The following ATG10 variants were observed in gnomAD, a reference collection of about 807,000 sequenced individuals.
The protein encoded by ATG10 is autophagy related 10.
ATG10 carries 30 observed loss-of-function variants against 32.1 expected under a neutral mutation model. The ratio of observed to expected loss-of-function variants is 0.94; its 90% confidence interval spans 0.70 to 1.27. The LOEUF is 1.27. ATG10 is among the 50% of genes most tolerant of loss of function. The pLI, the probability that ATG10 is intolerant of heterozygous loss-of-function variation, is 0.00. For synonymous variants in ATG10, 87 were observed against 91.5 expected, an observed-to-expected ratio of 0.95 and a Z score of 0.28; for missense variants, 233 against 262.3, an observed-to-expected ratio of 0.89 and a Z score of 0.77.
intron 3 of ATG10, among the ~76,000 whole-genome samples, chr5:82,127,098 G>A (rs1766308896): frequency 1.3e-5 from 2 of 152,198 alleles, no homozygotes; most frequent in South Asian, 2.1e-4. Flanking sequence ...TCTGATGGTA[G>A]TTTGTATTTC....
At chr5:82,060,671 C>T (rs1422408232) in intron 3 of ATG10, among the ~76,000 whole-genome samples, 1 of 152,096 alleles carries the variant, frequency 6.6e-6, no homozygotes, top group Non-Finnish European at 1.5e-5. Context: ...CAAGACCAGC[C>T]TGGTCAACAT....
chr5:82,087,818 A>G (rs1471218917), intron 3 of ATG10, among the ~76,000 whole-genome samples: 1 of 152,130 alleles, frequency 6.6e-6, no homozygotes, highest in African/African-American at 2.4e-5. Context: ...GATGATAATG[A>G]TATCATCATT....
At chr5:82,135,874 A>G (rs1766716136) in intron 3 of ATG10, among the ~76,000 whole-genome samples, 1 of 152,032 alleles carries the variant, frequency 6.6e-6, no homozygotes, top group African/African-American at 2.4e-5. Context: ...GTAGGTCTCT[A>G]AGAACTTGCT....
intron 3 of ATG10, among the ~76,000 whole-genome samples, chr5:82,060,861 A>G (rs1763744589): frequency 6.6e-6 from 1 of 152,204 alleles, no homozygotes; most frequent in Non-Finnish European, 1.5e-5. Flanking sequence ...GGGAAAAAAA[A>G]AAAAGTTCAT....
chr5:82,015,674 C>T (rs1480079927), intron 2 of ATG10, among the ~76,000 whole-genome samples: 1 of 152,180 alleles, frequency 6.6e-6, no homozygotes, highest in African/African-American at 2.4e-5. Flanking sequence ...GTTTTCAGCT[C>T]CATTAGGCCA....
intron 3 of ATG10, among the ~76,000 whole-genome samples, chr5:82,076,957 T>C (rs1437436999): frequency 6.6e-6 from 1 of 152,248 alleles, no homozygotes; most frequent in Non-Finnish European, 1.5e-5. Flanking sequence ...GTAGCCATTG[T>C]AATTTGGATT....
chr5:82,237,365 CGGGTGT>C, intron 5 of ATG10, among the ~76,000 whole-genome samples: 1 of 152,114 alleles, frequency 6.6e-6, no homozygotes, highest in Admixed American at 6.6e-5. Flanking sequence ...AAGTCTTGGC[CGGGTGT>C]GGTGGCTCAC....
intron 3 of ATG10, among the ~76,000 whole-genome samples, chr5:82,096,354 C>G (rs971838480): frequency 1.3e-5 from 2 of 152,178 alleles, no homozygotes; most frequent in Non-Finnish European, 2.9e-5. Flanking sequence ...GTAAGTCTCA[C>G]AGATATATAT....
Position 82,058,566 on chromosome 5 carries a change from A to C in ATG10, c.180A>C (p.Gly60=). 2 of 1,613,070 alleles carry C rather than the reference A, an allele frequency of 1.2e-6. No homozygotes were observed. Among genetic ancestry groups the C allele is most frequent in the Non-Finnish European group, 1.7e-6 (2 of 1,179,244 alleles). The part of the protein sequence containing the change: ...IKNGSVMSHL[G]ASTHGQTCLP... ...ATGGGTCTGTGATGTCACATCTAGG[A>C]GCATCTACCCATGGACAGACATGTC... is the stretch of plus-strand genomic sequence containing the variant. The change falls in exon 3 of 8, where the codon GGA becomes GGC. Residue 60 remains glycine (G), a synonymous_variant. Transcript: ENST00000282185.
chr5:82,058,085 A>G (rs913537474), intron 2 of ATG10, among the ~76,000 whole-genome samples: 1 of 152,198 alleles, frequency 6.6e-6, no homozygotes, highest in South Asian at 2.1e-4. Flanking sequence ...TTGAGAAAGA[A>G]ATTGAAATGG....
intron 2 of ATG10, chr5:82,010,176 T>C: frequency 8.6e-7 from 1 of 1,167,340 alleles, no homozygotes; most frequent in Non-Finnish European, 1.2e-6. Context: ...TCTTGGAGAA[T>C]GTTTCCAAGT....
chr5:81,982,968 C>G (rs575612520), intron 1 of ATG10, among the ~76,000 whole-genome samples: 3 of 152,238 alleles, frequency 2.0e-5, no homozygotes, highest in Non-Finnish European at 2.9e-5. Flanking sequence ...TACACAGACA[C>G]GGCAACCATC....
intron 3 of ATG10, among the ~76,000 whole-genome samples, chr5:82,077,700 A>G (rs1411620988): frequency 1.3e-5 from 2 of 152,224 alleles, no homozygotes; most frequent in African/African-American, 4.8e-5. Flanking sequence ...ACGTCTTTGC[A>G]TCACCGTCAT....
intron 2 of ATG10, among the ~76,000 whole-genome samples, chr5:82,041,481 C>T (rs1339501888): frequency 6.6e-6 from 1 of 152,040 alleles, no homozygotes; most frequent in Non-Finnish European, 1.5e-5. Context: ...TGGGAACAAA[C>T]TTTGGTATAT....
At chr5:82,182,193 A>G (rs1172495820) in intron 5 of ATG10, among the ~76,000 whole-genome samples, 5 of 152,176 alleles carry the variant, frequency 3.3e-5, no homozygotes, top group African/African-American at 1.2e-4. Flanking sequence ...GTGGTCAGAT[A>G]AGTAATTTTT....
At chr5:82,019,886 T>A (rs898320330) in intron 2 of ATG10, among the ~76,000 whole-genome samples, 2 of 152,206 alleles carry the variant, frequency 1.3e-5, no homozygotes, top group African/African-American at 4.8e-5. Flanking sequence ...TAGCCAGGCT[T>A]GACCTATTTT....
Position 82,086,090 on chromosome 5 carries a change from TTTGA to T in ATG10, c.216+27493_216+27496del, listed in dbSNP as rs1282422739. Among the ~76,000 whole-genome samples, 11 of 152,272 alleles carry T rather than the reference TTTGA, an allele frequency of 7.2e-5. No individual in the cohort carries two copies. In the South Asian group the frequency reaches 2.1e-3, roughly 29 times the overall value. On this transcript the variant is annotated intron_variant, in intron 3 of 7. Transcript: ENST00000282185. ...TCAATGATAGATTCAGTAAAAGGTG[TTTGA>T]TTGACTTTTTCACCAAATTACCATT...
At chr5:82,003,027 A>G (rs1761892886) in intron 2 of ATG10, among the ~76,000 whole-genome samples, 1 of 152,230 alleles carries the variant, frequency 6.6e-6, no homozygotes, top group Non-Finnish European at 1.5e-5. Context: ...TTGAAGGATA[A>G]ATAGTGCTAT....
intron 3 of ATG10, among the ~76,000 whole-genome samples, chr5:82,096,651 T>C (rs1765075467): frequency 6.6e-6 from 1 of 152,186 alleles, no homozygotes; most frequent in African/African-American, 2.4e-5. Flanking sequence ...CATCTGTCTA[T>C]AATAGTCAGT....
Sources: allele counts gnomAD v4.1 joint callset (sites outside exome capture counted in the v4.1 genomes callset), GRCh38; gene constraint gnomAD v4.1.1; transcripts MANE v1.5; gene names NCBI Gene and HGNC (gene_info 2026-07-23, HGNC 2026-07-21).